ABCC1: variants seen among roughly 807,000 people sequenced by gnomAD.
The protein encoded by ABCC1 is ATP binding cassette subfamily C member 1 (ABCC1 blood group), also known as multidrug resistance-associated protein 1.
In ABCC1, 83 loss-of-function variants were observed where a neutral mutation model predicts 172.9. The ratio of observed to expected loss-of-function variants is 0.48; its 90% CI spans 0.40 to 0.58. The LOEUF (loss-of-function observed/expected upper bound fraction) is 0.58. Among genes scored for constraint, ABCC1 ranks in the 20% least tolerant of loss-of-function variants. ABCC1 has a pLI of 0.00. For missense variants in ABCC1, 1,817 were observed against 2,002.7 expected, an observed-to-expected ratio of 0.91 and a Z score of 1.77; for synonymous variants, 937 against 825.2, an observed-to-expected ratio of 1.14 and a Z score of -2.32.
intron 20 of ABCC1, among the ~76,000 whole-genome samples, chr16:16,105,023 C>T (rs368453640): frequency 1.8e-4 from 28 of 152,156 alleles, no homozygotes; most frequent in African/African-American, 5.1e-4. Flanking sequence ...CACACCTCCC[C>T]GCAAGCTGAG....
chr16:16,003,620 A>G (rs2047402745), intron 1 of ABCC1, among the ~76,000 whole-genome samples: 1 of 145,794 alleles, frequency 6.9e-6, no homozygotes, highest in African/African-American at 2.5e-5. Flanking sequence ...AGGTGGATGT[A>G]TAAATGAATT....
chr16:15,983,885 T>G (rs1442884722), intron 1 of ABCC1, among the ~76,000 whole-genome samples: 5 of 152,050 alleles, frequency 3.3e-5, no homozygotes. Context: ...CTAAATTCCC[T>G]TAGAGATGCC....
At chr16:15,969,563 G>A (rs1345531394) in intron 1 of ABCC1, among the ~76,000 whole-genome samples, 1 of 150,956 alleles carries the variant, frequency 6.6e-6, no homozygotes, top group Non-Finnish European at 1.5e-5. Flanking sequence ...AGTAGAGACG[G>A]GTTTTGCCAT....
At chr16:16,124,755 ATGCCTGTTTGTC>A in intron 24 of ABCC1, 22 bp from the exon 25 acceptor site, 5 of 1,613,582 alleles carry the variant, frequency 3.1e-6, no homozygotes, top group East Asian at 2.2e-5. Flanking sequence ...AGCTGACTCC[ATGCCTGTTTGTC>A]TGCCTGTGTG....
chr16:15,958,985 G>A (rs1450112321), intron 1 of ABCC1, among the ~76,000 whole-genome samples: 5 of 152,172 alleles, frequency 3.3e-5, no homozygotes, highest in Non-Finnish European at 5.9e-5. Flanking sequence ...AACCGAAAAT[G>A]CCTCTAGATG....
chr16:16,087,643 G>A (rs547726507), intron 18 of ABCC1, among the ~76,000 whole-genome samples: 3 of 151,874 alleles, frequency 2.0e-5, no homozygotes, highest in East Asian at 3.9e-4. Flanking sequence ...ATTTTTAGTA[G>A]AATCGAGGTT....
At chr16:16,134,719 C>T (rs1167811018) in intron 28 of ABCC1, among the ~76,000 whole-genome samples, 2 of 151,622 alleles carry the variant, frequency 1.3e-5, no homozygotes, top group African/African-American at 4.8e-5. Context: ...TCACTGCAAC[C>T]TCCGTCTCCC....
At chr16:15,974,229 A>G (rs953243929) in intron 1 of ABCC1, among the ~76,000 whole-genome samples, 3 of 152,060 alleles carry the variant, frequency 2.0e-5, no homozygotes, top group Admixed American at 6.6e-5. Flanking sequence ...GGGAGATTTT[A>G]TTATTTATTT....
chr16:15,993,468 G>C (rs753131515), intron 1 of ABCC1, among the ~76,000 whole-genome samples: 2 of 152,160 alleles, frequency 1.3e-5, no homozygotes, highest in Non-Finnish European at 2.9e-5. Context: ...GATGATTTTT[G>C]CCTCTCTGGA....
At chr16:16,130,481 G>A (rs546146719) in intron 26 of ABCC1, among the ~76,000 whole-genome samples, 16 of 152,076 alleles carry the variant, frequency 1.1e-4, no homozygotes, top group African/African-American at 3.6e-4. Context: ...ATTTACTTTG[G>A]AGAAACAGAG....
At chr16:15,953,181 C>A (rs1231685660) in intron 1 of ABCC1, among the ~76,000 whole-genome samples, 1 of 151,626 alleles carries the variant, frequency 6.6e-6, no homozygotes, top group Non-Finnish European at 1.5e-5. Context: ...ACTAAAAATA[C>A]AAAAATTAGC....
chr16:16,032,939 C>A (rs568489190), intron 5 of ABCC1, among the ~76,000 whole-genome samples, 170 bp from the exon 6 acceptor site: 1 of 152,204 alleles, frequency 6.6e-6, no homozygotes, highest in South Asian at 2.1e-4. Context: ...GAATTTCTTT[C>A]TCCTGGCTAT....
At chr16:15,996,442 A>G (rs946547879) in intron 1 of ABCC1, among the ~76,000 whole-genome samples, 19 of 152,110 alleles carry the variant, frequency 1.2e-4, no homozygotes, top group Non-Finnish European at 2.5e-4. Flanking sequence ...AGTTATTGAG[A>G]TGGTTGAATT....
intron 23 of ABCC1, among the ~76,000 whole-genome samples, chr16:16,118,614 A>G (rs1050290009): frequency 1.3e-5 from 2 of 151,976 alleles, no homozygotes; most frequent in African/African-American, 4.8e-5. Context: ...GAGCAGGGAT[A>G]ATTAGAAGAC....
chr16:16,136,698 G>A (rs948234988), intron 29 of ABCC1, 54 bp downstream of exon 29: 16 of 1,577,172 alleles, frequency 1.0e-5, no homozygotes, highest in African/African-American at 8.1e-5. Flanking sequence ...GCGCCATCTC[G>A]GTAGGGGTGT....
chr16:16,078,898 C>T lies in ABCC1; in HGVS notation c.1989-454C>T, dbSNP rs1269322611. ...TTCACCATGTTGGCCAGACTGGTCT[C>T]GAGCTCCTGACCTCGTGATCCGCCT... On this transcript the variant is annotated intron_variant, in intron 15 of 30. Transcript: ENST00000399410. 7.9e-5 allele frequency among the ~76,000 whole-genome samples: 12 copies of T among 152,252 alleles called. No homozygotes were observed. In the South Asian group the frequency reaches 1.5e-3, roughly 18 times the overall value.
At chr16:16,101,345 AT>A (rs1251396333) in intron 19 of ABCC1, among the ~76,000 whole-genome samples, 1 of 151,960 alleles carries the variant, frequency 6.6e-6, no homozygotes, top group Non-Finnish European at 1.5e-5. Context: ...CCACCTGCTC[AT>A]TTATAAAGCC....
intron 27 of ABCC1, among the ~76,000 whole-genome samples, chr16:16,133,703 C>T (rs940162327): frequency 7.2e-5 from 11 of 152,176 alleles, no homozygotes; most frequent in Non-Finnish European, 1.6e-4. Flanking sequence ...CGTGCCCCAG[C>T]CCTTGTTGAG....
intron 7 of ABCC1, among the ~76,000 whole-genome samples, chr16:16,039,578 G>GT (rs1437268646): frequency 6.6e-6 from 1 of 151,948 alleles, no homozygotes; most frequent in Non-Finnish European, 1.5e-5. Flanking sequence ...TGAGAGAGGT[G>GT]TTTTAGATAC....
Sources: gnomAD v4.1 joint callset for allele counts (sites outside exome capture counted in the v4.1 genomes callset) on GRCh38, gnomAD v4.1.1 for gene constraint, MANE v1.5 for transcripts, NCBI Gene and HGNC (gene_info 2026-07-23, HGNC 2026-07-21) for gene names.